Variants in TBL1X observed in about 807,000 individuals in gnomAD.
TBL1X encodes the protein F-box-like/WD repeat-containing protein TBL1X.
TBL1X carries 10 observed loss-of-function variants against 50.7 expected under a neutral mutation model. The ratio of observed to expected loss-of-function variants is 0.20; its 90% CI spans 0.12 to 0.33. The LOEUF (loss-of-function observed/expected upper bound fraction) is 0.33, where lower values mean the gene tolerates loss of function less well. TBL1X is among the 10% of genes least tolerant of loss of function. The pLI, the probability that TBL1X is intolerant of heterozygous loss-of-function variation, is 1.00. For synonymous variants in TBL1X, 190 were observed against 214.7 expected, an observed-to-expected ratio of 0.88 and a Z score of 1.01; for missense variants, 340 against 504.4, an observed-to-expected ratio of 0.67 and a Z score of 3.12.
Position 9,717,189 on chromosome X carries a change from G to T in TBL1X, c.*943G>T, listed in dbSNP as rs754254093. The stretch of plus-strand genomic sequence containing the variant: ...TGCTTTATGTAAGAAGGCAGGGCAG[G>T]GGGGCTTTTTACAGGAGAAAAAAAA... On this transcript the variant is annotated 3_prime_UTR_variant, in exon 18 of 18. Transcript: ENST00000645353. 5.0e-4 allele frequency: 50 copies of T among 100,499 alleles called. No homozygotes were observed. Among genetic ancestry groups the T allele is most frequent in the African/African-American group, 1.7e-3 (49 of 28,764 alleles). 8.3% of individuals were successfully genotyped at this position (100,499 alleles called of 1,213,427 possible). A position where few individuals can be genotyped will look rare whatever the true frequency, so the allele number is the denominator to read the frequency against.
intron 3 of TBL1X, among the ~76,000 whole-genome samples, chrX:9,647,534 C>T (rs964244113): frequency 1.8e-5 from 2 of 111,959 alleles, no homozygotes; most frequent in East Asian, 2.8e-4. Flanking sequence ...CATCCCCCTC[C>T]TGTTTGGGGC....
intron 3 of TBL1X, among the ~76,000 whole-genome samples, chrX:9,642,667 A>G (rs1336512084): frequency 1.8e-5 from 2 of 112,082 alleles, no homozygotes; most frequent in African/African-American, 6.5e-5. Flanking sequence ...TCTGTGGTAG[A>G]GCAGGAAGGA....
chrX:9,514,528 A>G (rs1348651365), intron 2 of TBL1X, among the ~76,000 whole-genome samples: 1 of 112,233 alleles, frequency 8.9e-6, no homozygotes, highest in Non-Finnish European at 1.9e-5. Context: ...AGGGTTCCCC[A>G]GTAACAGAGA....
At chrX:9,688,922 C>G (rs751069550) in intron 7 of TBL1X, among the ~76,000 whole-genome samples, 2 of 113,810 alleles carry the variant, frequency 1.8e-5, no homozygotes, top group Non-Finnish European at 3.7e-5. Flanking sequence ...CACAGGTATG[C>G]ATGGGTGCAT....
At chrX:9,659,188 G>A (rs1376053987) in intron 5 of TBL1X, among the ~76,000 whole-genome samples, 1 of 111,844 alleles carries the variant, frequency 8.9e-6, no homozygotes, top group East Asian at 2.8e-4. Context: ...AGGAATGCGC[G>A]GAGCTGGCTT....
chrX:9,532,433 G>A (rs767328968), intron 2 of TBL1X, among the ~76,000 whole-genome samples: 1 of 111,610 alleles, frequency 9.0e-6, no homozygotes, highest in African/African-American at 3.3e-5. Context: ...GGGACGTAGC[G>A]GTTAGGGGGC....
intron 12 of TBL1X, among the ~76,000 whole-genome samples, chrX:9,698,729 T>C (rs1469738924): frequency 9.0e-6 from 1 of 111,649 alleles, no homozygotes; most frequent in Non-Finnish European, 1.9e-5. Flanking sequence ...GGGTGGGAAC[T>C]CTCCGGAAAT....
intron 2 of TBL1X, among the ~76,000 whole-genome samples, chrX:9,589,619 C>T (rs934936978): frequency 1.8e-5 from 2 of 111,051 alleles, no homozygotes; most frequent in Non-Finnish European, 3.8e-5. Context: ...AACTTTTCAT[C>T]CATGATTGAA....
At chrX:9,618,280 A>C (rs1485425087) in intron 2 of TBL1X, among the ~76,000 whole-genome samples, 1 of 111,874 alleles carries the variant, frequency 8.9e-6, no homozygotes, top group Non-Finnish European at 1.9e-5. Flanking sequence ...GGAATCAAGA[A>C]GGCTTGACTT....
chrX:9,709,517 C>G (rs1217947640), intron 14 of TBL1X, 116 bp from the exon 15 acceptor site: 41 of 1,086,727 alleles, frequency 3.8e-5, no homozygotes, highest in Non-Finnish European at 5.1e-5. Context: ...TTTCTCACCA[C>G]TGTGCACCCT....
chrX:9,512,576 C>T (rs2082061416), intron 2 of TBL1X, among the ~76,000 whole-genome samples: 1 of 109,838 alleles, frequency 9.1e-6, no homozygotes, highest in African/African-American at 3.3e-5. Context: ...TGATCCACTG[C>T]AACCTCCACC....
intron 2 of TBL1X, among the ~76,000 whole-genome samples, chrX:9,566,039 A>C (rs1349142248): frequency 8.9e-6 from 1 of 112,353 alleles, no homozygotes; most frequent in Non-Finnish European, 1.9e-5. Context: ...TACTTTGTAA[A>C]GACTAAAAGT....
intron 2 of TBL1X, among the ~76,000 whole-genome samples, chrX:9,626,332 T>C (rs1483893229): frequency 8.9e-6 from 1 of 111,937 alleles, no homozygotes; most frequent in Admixed American, 9.4e-5. Flanking sequence ...GATATTTGAC[T>C]GTTGGAAATT....
At chrX:9,502,181 G>T (rs2082004709) in intron 2 of TBL1X, among the ~76,000 whole-genome samples, 1 of 112,896 alleles carries the variant, frequency 8.9e-6, no homozygotes, top group Non-Finnish European at 1.9e-5. Flanking sequence ...ATGATCACTT[G>T]GATACGTGGA....
chrX:9,629,921 G>A (rs1391439786), intron 2 of TBL1X, among the ~76,000 whole-genome samples: 1 of 111,094 alleles, frequency 9.0e-6, no homozygotes, highest in Non-Finnish European at 1.9e-5. Context: ...TTTCTGGAAT[G>A]CCAGTCCCGC....
intron 12 of TBL1X, among the ~76,000 whole-genome samples, chrX:9,698,791 G>A (rs147168703): frequency 4.8e-3 from 533 of 112,102 alleles, no homozygotes; most frequent in African/African-American, 0.016. Flanking sequence ...AGCCTCTGTA[G>A]GGAGATCAGC....
chrX:9,535,349 T>C (rs1018022816), intron 2 of TBL1X, among the ~76,000 whole-genome samples: 31 of 112,392 alleles, frequency 2.8e-4, no homozygotes, highest in African/African-American at 9.4e-4. Flanking sequence ...GGGAAGGAAA[T>C]GGAGGTGAAG....
intron 12 of TBL1X, among the ~76,000 whole-genome samples, chrX:9,702,147 C>T (rs2083177660): frequency 9.0e-6 from 1 of 111,453 alleles, no homozygotes; most frequent in Non-Finnish European, 1.9e-5. Flanking sequence ...CTTTAAGAAA[C>T]ACACATGGCT....
At chrX:9,623,759 G>A (rs192337271) in intron 2 of TBL1X, among the ~76,000 whole-genome samples, 34 of 112,269 alleles carry the variant, frequency 3.0e-4, no homozygotes, top group African/African-American at 1.1e-3. Context: ...GCTTACTTAC[G>A]TCTGTTGACT....
Sources: gnomAD v4.1 joint callset for allele counts (sites outside exome capture counted in the v4.1 genomes callset) on GRCh38, gnomAD v4.1.1 for gene constraint, MANE v1.5 for transcripts, NCBI Gene and HGNC (gene_info 2026-07-23, HGNC 2026-07-21) for gene names.